Variants in CNBD1 observed in about 807,000 individuals in gnomAD.
The protein encoded by CNBD1 is cyclic nucleotide binding domain containing 1.
Under a neutral mutation model 54.4 loss-of-function variants are expected in CNBD1, and 71 were observed. That is an observed-to-expected ratio of 1.30 (90% confidence interval 1.08 to 1.59). The LOEUF is 1.59. Among genes scored for constraint, CNBD1 ranks in the 40% most tolerant of loss-of-function variants. The pLI, the probability that CNBD1 is intolerant of heterozygous loss-of-function variation, is 0.00. For synonymous variants in CNBD1, 182 were observed against 170.7 expected (o/e 1.07, Z -0.51); for missense variants, 659 against 518.0 (o/e 1.27, Z -2.64).
At chr8:87,320,825 T>G (rs1809510147) in intron 8 of CNBD1, among the ~76,000 whole-genome samples, 1 of 152,160 alleles carries the variant, frequency 6.6e-6, no homozygotes, top group Non-Finnish European at 1.5e-5. Context: ...ATTTTCACCT[T>G]GCATAACTGA....
At chr8:87,135,247 T>C (rs1289705281) in intron 4 of CNBD1, among the ~76,000 whole-genome samples, 1 of 151,890 alleles carries the variant, frequency 6.6e-6, no homozygotes, top group African/African-American at 2.4e-5. Flanking sequence ...ATAAAGATGG[T>C]AATGAATATA....
At chr8:87,279,777 G>C (rs1808558777) in intron 6 of CNBD1, among the ~76,000 whole-genome samples, 1 of 150,900 alleles carries the variant, frequency 6.6e-6, no homozygotes, top group African/African-American at 2.4e-5. Context: ...AGATAAAAAG[G>C]AAATGCTTTA....
chr8:87,101,934 G>A (rs554424212), intron 4 of CNBD1, among the ~76,000 whole-genome samples: 37 of 150,544 alleles, frequency 2.5e-4, no homozygotes, highest in South Asian at 1.1e-3. Context: ...TGTCACCCAG[G>A]CTGGAGTGCA....
chr8:87,324,439 C>G (rs538446006), intron 8 of CNBD1, among the ~76,000 whole-genome samples: 4 of 140,030 alleles, frequency 2.9e-5, no homozygotes, highest in Non-Finnish European at 6.4e-5. Context: ...GTCCTGGGCT[C>G]TTTTTGGTTG....
Position 86,986,701 on chromosome 8 carries a change from G to A in CNBD1, c.431+46947G>A, listed in dbSNP as rs564745547. On this transcript the variant is annotated intron_variant, in intron 4 of 10. Transcript: ENST00000518476. ...AGTTTATTTTTGTATATGATGATTG[G>A]TAGGGGTCCAACTTTGTTCTTCTGC... Among the ~76,000 whole-genome samples, 8 of 152,250 alleles carry A rather than the reference G, an allele frequency of 5.3e-5. No individual in the cohort carries two copies. The South Asian group carries it at 1.7e-3, about 32-fold the overall frequency.
chr8:87,219,177 T>C (rs748463962), intron 5 of CNBD1, among the ~76,000 whole-genome samples: 10 of 152,052 alleles, frequency 6.6e-5, no homozygotes, highest in Non-Finnish European at 1.2e-4. Flanking sequence ...CTGTCTTAAA[T>C]ATCTAAATAT....
At chr8:87,372,088 C>T (rs1388615786) in intron 10 of CNBD1, among the ~76,000 whole-genome samples, 1 of 151,916 alleles carries the variant, frequency 6.6e-6, no homozygotes, top group East Asian at 1.9e-4. Context: ...TCCAGAAAAC[C>T]CCACTGTCTC....
chr8:87,186,696 T>A (rs1468002114), intron 4 of CNBD1, among the ~76,000 whole-genome samples: 2 of 152,056 alleles, frequency 1.3e-5, no homozygotes, highest in African/African-American at 4.8e-5. Flanking sequence ...TCTTTTTGAA[T>A]TCTTATTTTA....
chr8:87,057,318 A>C (rs1315400744), intron 4 of CNBD1, among the ~76,000 whole-genome samples: 2 of 152,206 alleles, frequency 1.3e-5, no homozygotes, highest in Non-Finnish European at 2.9e-5. Flanking sequence ...GGAATGCAGA[A>C]TGAAGGTGGG....
chr8:87,384,451 G>C (rs1811145424), downstream of CNBD1, among the ~76,000 whole-genome samples: 2 of 152,024 alleles, frequency 1.3e-5, no homozygotes, highest in South Asian at 4.1e-4. Flanking sequence ...TGAAGAAAAA[G>C]CAGATCAGAA....
chr8:86,879,526 C>CA (rs1199326191), intron 1 of CNBD1, among the ~76,000 whole-genome samples: 1 of 151,988 alleles, frequency 6.6e-6, no homozygotes, highest in Non-Finnish European at 1.5e-5. Context: ...AATATAATAT[C>CA]AAAAAGACAA....
At chr8:87,390,445 C>T (rs1811284339) in intron 2 of CNBD1, among the ~76,000 whole-genome samples, 1 of 152,148 alleles carries the variant, frequency 6.6e-6, no homozygotes, top group South Asian at 2.1e-4. Context: ...TGAACAGACA[C>T]TTCTCAAAAG....
intron 9 of CNBD1, among the ~76,000 whole-genome samples, chr8:87,352,692 A>T (rs1014258622): frequency 3.3e-5 from 5 of 152,150 alleles, no homozygotes; most frequent in Admixed American, 2.0e-4. Context: ...GTTCTATATA[A>T]TTCCATTTTT....
intron 6 of CNBD1, among the ~76,000 whole-genome samples, chr8:87,248,857 C>T (rs1341949079): frequency 6.6e-6 from 1 of 152,110 alleles, no homozygotes; most frequent in Non-Finnish European, 1.5e-5. Flanking sequence ...GACAAGTACA[C>T]AGTGCAGGAA....
chr8:87,197,868 C>A (rs1374601770), intron 4 of CNBD1, among the ~76,000 whole-genome samples: 1 of 152,104 alleles, frequency 6.6e-6, no homozygotes, highest in Non-Finnish European at 1.5e-5. Flanking sequence ...ACTTCCCTAA[C>A]CCCTTGTCAT....
At chr8:87,140,799 A>T (rs1456210967) in intron 4 of CNBD1, among the ~76,000 whole-genome samples, 1 of 152,172 alleles carries the variant, frequency 6.6e-6, no homozygotes, top group African/African-American at 2.4e-5. Context: ...TTATCAAAAG[A>T]TGAAATGGCA....
chr8:87,025,190 A>G (rs145707710), intron 4 of CNBD1, among the ~76,000 whole-genome samples: 506 of 152,226 alleles, frequency 3.3e-3, no homozygotes, highest in African/African-American at 0.011. Context: ...AAATGGACCA[A>G]TCAGCACTCT....
At chr8:86,977,468 C>A (rs1192496483) in intron 4 of CNBD1, among the ~76,000 whole-genome samples, 1 of 152,016 alleles carries the variant, frequency 6.6e-6, no homozygotes, top group African/African-American at 2.4e-5. Flanking sequence ...TCTTCTGCAA[C>A]TGACAAACAT....
At chr8:87,370,953 C>A (rs1810773632) in intron 10 of CNBD1, among the ~76,000 whole-genome samples, 1 of 150,792 alleles carries the variant, frequency 6.6e-6, no homozygotes, top group Non-Finnish European at 1.5e-5. Context: ...TATGGCTAGC[C>A]AGTTTTCCCA....
Sources: gnomAD v4.1 joint callset for allele counts (sites outside exome capture counted in the v4.1 genomes callset) on GRCh38, gnomAD v4.1.1 for gene constraint, MANE v1.5 for transcripts, NCBI Gene and HGNC (gene_info 2026-07-23, HGNC 2026-07-21) for gene names.